Variants in DYNC1H1 observed in about 807,000 individuals in gnomAD.
DYNC1H1 encodes the protein dynein cytoplasmic 1 heavy chain 1.
In DYNC1H1, 51 loss-of-function variants were observed where a neutral mutation model predicts 527.1. That is an observed-to-expected ratio of 0.10 (90% confidence interval 0.08 to 0.12). The LOEUF (loss-of-function observed/expected upper bound fraction) is 0.12, where lower values mean the gene tolerates loss of function less well. Among genes scored for constraint, DYNC1H1 ranks in the 10% least tolerant of loss-of-function variants. The probability of loss-of-function intolerance (pLI) is 1.00; values close to 1 mark genes in which losing one functional copy is unlikely to be tolerated. For missense variants in DYNC1H1, 2,771 were observed against 5,971.8 expected (o/e 0.46, Z 17.66); for synonymous variants, 2,189 against 2,278.8 (o/e 0.96, Z 1.12).
chr14:102,030,037 A>G, intron 50 of DYNC1H1, 99 bp downstream of exon 50: 2 of 1,599,480 alleles, frequency 1.3e-6, no homozygotes, highest in Non-Finnish European at 1.7e-6. Context: ...AGGGTTAGAG[A>G]GAGGGAGGGA....
chr14:102,001,816 C>T lies in DYNC1H1; in HGVS notation c.4542+135C>T, dbSNP rs2141286319. 7 of 1,247,122 alleles carry T rather than the reference C, an allele frequency of 5.6e-6. No homozygotes were observed. The highest frequency in any genetic ancestry group is 2.5e-5 in the East Asian group (1 of 39,634). The allele number at this position is 1,247,122 out of a possible 1,614,324, so 77.3% of individuals were successfully genotyped here. On this transcript the variant is annotated intron_variant, in intron 21 of 77. Transcript: ENST00000360184. The surrounding 1 kb of genome is among the most constrained non-coding windows in gnomAD (Gnocchi z 5.0). Reference sequence around the variant, plus strand: ...AGACAGGGTCTCACTCTGTCTCCCACGCTGGAGTGCAGTGGCACCATCACA... The same window carrying T: ...AGACAGGGTCTCACTCTGTCTCCCATGCTGGAGTGCAGTGGCACCATCACA...
Position 102,005,658 on chromosome 14 carries a change from C to A in DYNC1H1, c.5434-230C>A, listed in dbSNP as rs774369800. On this transcript the variant is annotated intron_variant, in intron 26 of 77. Coordinates refer to ENST00000360184, the MANE Select transcript of DYNC1H1 (RefSeq NM_001376.5). The surrounding 1 kb of genome is among the most constrained non-coding windows in gnomAD (Gnocchi z 4.0). ...TGCAGAATTTTAAAATATTTAAAGC[C>A]AGGTGTTTCTGTTTCTTTGTTTTTG... Among the ~76,000 whole-genome samples the A allele has an allele frequency of 2.6e-5, 4 of 152,184 alleles. No homozygotes were observed. Among genetic ancestry groups the A allele is most frequent in the Non-Finnish European group, 5.9e-5 (4 of 68,032 alleles).
Position 102,005,965 on chromosome 14 carries a change from A to C in DYNC1H1, c.5511A>C (p.Glu1837Asp). 1 of 1,614,258 alleles carries C rather than the reference A, an allele frequency of 6.2e-7. No homozygotes were observed. The highest frequency in any genetic ancestry group is 1.1e-5 in the South Asian group (1 of 91,090). Residue 1837 changes from glutamate (E) to aspartate (D), a missense_variant, in exon 27 of 78, where the codon GAA (glutamate) becomes GAC (aspartate). Glu to Asp is a conservative substitution (Grantham distance 45, BLOSUM62 2). Coordinates refer to ENST00000360184, the MANE Select transcript of DYNC1H1 (RefSeq NM_001376.5). This position sits in a 1 kb window ranked among gnomAD's most constrained non-coding sequence, Gnocchi z 4.0. ...KSKIDNAKSF[E>D]WLSQMRFYFD... ...AGATTGACAACGCCAAATCTTTTGA[A>C]TGGCTCAGCCAGATGCGATTTTACT...
chr14:102,034,676 G>A (rs2048551248), intron 56 of DYNC1H1: 8 of 747,610 alleles, frequency 1.1e-5, no homozygotes, highest in Admixed American at 2.3e-5. Flanking sequence ...TTCTAAAATC[G>A]ATTGGCAGGG....
At position 102,049,116 on chromosome 14, in the gene DYNC1H1, A is replaced by G. The variant is rs2048768562; in HGVS notation, c.13373-324A>G. 2 of 449,746 alleles carry G rather than the reference A, an allele frequency of 4.4e-6. No homozygotes were observed. The highest frequency in any genetic ancestry group is 8.3e-6 in the Non-Finnish European group (2 of 242,018). 27.9% of individuals were successfully genotyped at this position (449,746 alleles called of 1,614,324 possible). The stretch of plus-strand genomic sequence containing the variant: ...GTTTGCCCCAAAAGCCCTAATTGCC[A>G]GGAACACTGAGCCACTTGTGTGACA... On this transcript the variant is annotated intron_variant, in intron 74 of 77. Transcript: ENST00000360184. This position sits in a 1 kb window ranked among gnomAD's most constrained non-coding sequence, Gnocchi z 5.5.
Position 101,979,746 on chromosome 14 carries a change from T to G in DYNC1H1, c.546T>G (p.Val182=), listed in dbSNP as rs762857766. 13 of 1,614,006 alleles carry G rather than the reference T, an allele frequency of 8.1e-6. No individual in the cohort carries two copies. Among genetic ancestry groups the G allele is most frequent in the Non-Finnish European group, 1.1e-5 (13 of 1,180,044 alleles). Residue 182 remains valine, a synonymous_variant, in exon 4 of 78, where the codon GTT becomes GTG. Coordinates refer to ENST00000360184, the MANE Select transcript of DYNC1H1 (RefSeq NM_001376.5). The surrounding 1 kb of genome is among the most constrained non-coding windows in gnomAD (Gnocchi z 4.6). ...ATGGTGATAAAATGGCTCCTTCAGT[T>G]GAAAAGAAGATTGCAGAACTCGAAA... The part of the protein sequence containing the change: ...DRDGDKMAPS[V]EKKIAELEMG...
In DYNC1H1 at chr14:102,009,856, T is replaced by A. The variant is rs1329908567; in HGVS notation, c.5991T>A (p.Ile1997=). Residue 1997 remains isoleucine (I), a synonymous_variant, in exon 30 of 78, where the codon ATT becomes ATA. Transcript: ENST00000360184. ...NPNYDKTSAP[I]TCELLNKQVK... is the part of the protein sequence containing the mutation. ...TCTCATTCTCAGCCTCTGCCCCCAT[T>A]ACTTGTGAGCTGCTGAACAAACAAG... 6.2e-7 allele frequency: 1 copy of A among 1,614,108 alleles called. No individual in the cohort carries two copies. Among genetic ancestry groups the A allele is most frequent in the South Asian group, 1.1e-5 (1 of 91,082 alleles).
rs1423380604 is a variant in DYNC1H1, at chr14:102,052,022, C to G, written c.*1459C>G. The G allele has an allele frequency of 6.6e-6, 1 of 152,144 alleles. No homozygotes were observed. Among genetic ancestry groups the G allele is most frequent in the East Asian group, 1.9e-4 (1 of 5,192 alleles). The allele number at this position is 152,144 out of a possible 1,614,324, so 9.4% of individuals were successfully genotyped here. On this transcript the variant is annotated 3_prime_UTR_variant, in exon 78 of 78. Transcript: ENST00000360184. The stretch of plus-strand genomic sequence containing the variant: ...TTTGTATTTTTTGTAGAGATGGAAT[C>G]TCGCTATTTTCCCTGGGCTGGTCTC...
chr14:102,008,356 A>G lies in DYNC1H1; in HGVS notation c.5977+19A>G, dbSNP rs1263199731. On this transcript the variant is annotated intron_variant, in intron 29 of 77. Coordinates refer to ENST00000360184, the MANE Select transcript of DYNC1H1 (RefSeq NM_001376.5). Reference sequence around the variant, plus strand: ...GACAAGAGTAAGACACCTCTTCTTCAAAAATTACTTAGAGAATGTAGAGGG... The same window carrying G: ...GACAAGAGTAAGACACCTCTTCTTCGAAAATTACTTAGAGAATGTAGAGGG... 1 of 1,613,774 alleles carries G rather than the reference A, an allele frequency of 6.2e-7. No individual in the cohort carries two copies. The highest frequency in any genetic ancestry group is 8.5e-7 in the Non-Finnish European group (1 of 1,179,858).
chr14:101,980,240 T>C, intron 4 of DYNC1H1, 124 bp from the exon 5 acceptor site: 1 of 1,309,172 alleles, frequency 7.6e-7, no homozygotes, highest in South Asian at 1.2e-5. Context: ...CCACTTTTGA[T>C]TTACAGGGAA....
At chr14:101,977,506 G>A (rs913889327) in intron 2 of DYNC1H1, among the ~76,000 whole-genome samples, 14 of 152,236 alleles carry the variant, frequency 9.2e-5, no homozygotes, top group African/African-American at 3.4e-4. Flanking sequence ...ATTCTCATTC[G>A]TAGCCTCAGT....
At chr14:102,009,520 G>C in intron 29 of DYNC1H1, 1 of 157,188 alleles carries the variant, frequency 6.4e-6, no homozygotes, top group Non-Finnish European at 1.2e-5. Flanking sequence ...TTTTTTTTTT[G>C]CACAATTTGT....
At chr14:101,984,858 A>G (rs544932966) in intron 7 of DYNC1H1, among the ~76,000 whole-genome samples, 17 of 145,124 alleles carry the variant, frequency 1.2e-4, no homozygotes, top group Admixed American at 1.4e-4. Flanking sequence ...GCGTGAACCC[A>G]GGAGACGGAG....
At chr14:102,031,475 TC>T (rs2048509798) in intron 51 of DYNC1H1, among the ~76,000 whole-genome samples, 1 of 152,156 alleles carries the variant, frequency 6.6e-6, no homozygotes, top group South Asian at 2.1e-4. Context: ...GCTCAAGCGA[TC>T]CACCTGCCTC....
At chr14:102,048,178 C>G (rs937663772) in intron 73 of DYNC1H1, 150 bp downstream of exon 73, 1 of 1,059,684 alleles carries the variant, frequency 9.4e-7, no homozygotes, top group Non-Finnish European at 1.4e-6. Context: ...CCAGCTGAGC[C>G]CAGGCATTGG....
chr14:101,992,750 G>A (rs1205499089), intron 11 of DYNC1H1, among the ~76,000 whole-genome samples: 1 of 152,076 alleles, frequency 6.6e-6, no homozygotes, highest in East Asian at 1.9e-4. Flanking sequence ...CTCTGTCCTT[G>A]TCTCACCTCT....
At position 102,040,765 on chromosome 14, in the gene DYNC1H1, G is replaced by T. The variant is rs2048640104; in HGVS notation, c.11941+92G>T. The T allele has an allele frequency of 2.0e-6, 3 of 1,471,938 alleles. No individual in the cohort carries two copies. The South Asian group carries it at 3.4e-5, about 17-fold the overall frequency. 91.2% of individuals were successfully genotyped at this position (1,471,938 alleles called of 1,614,324 possible). A position where few individuals can be genotyped will look rare whatever the true frequency, so the allele number is the denominator to read the frequency against. ...GCTTTCAAAAAACACAAAGTTACTA[G>T]CCTGGGCAACATAGTAAGGCCCCAT... On this transcript the variant is annotated intron_variant, in intron 64 of 77. Coordinates refer to ENST00000360184, the MANE Select transcript of DYNC1H1 (RefSeq NM_001376.5).
chr14:102,040,542 G>A, intron 63 of DYNC1H1, 56 bp from the exon 64 acceptor site: 1 of 1,613,078 alleles, frequency 6.2e-7, no homozygotes. Flanking sequence ...TCAGTCGTGG[G>A]TTCTGCCCCA....
At chr14:102,050,386 T>A (rs1473473410) in intron 77 of DYNC1H1, 49 bp from the exon 78 acceptor site, 17 of 1,613,948 alleles carry the variant, frequency 1.1e-5, no homozygotes, top group Non-Finnish European at 1.4e-5. Context: ...AGTCTTCCAG[T>A]TTTCTTACTT....
Sources: gnomAD v4.1 joint callset for allele counts (sites outside exome capture counted in the v4.1 genomes callset) on GRCh38, gnomAD v4.1.1 for gene constraint, Gnocchi (gnomAD v3.1) non-coding constraint, MANE v1.5 for transcripts, NCBI Gene and HGNC (gene_info 2026-07-23, HGNC 2026-07-21) for gene names.